DIDO1: variants seen among roughly 807,000 people sequenced by gnomAD.
DIDO1 encodes the protein death inducer-obliterator 1, also known as death-inducer obliterator 1.
In DIDO1, 16 loss-of-function variants were observed where a neutral mutation model predicts 99.4. The observed-to-expected ratio is 0.16, with a 90% CI of 0.11 to 0.24. The LOEUF (loss-of-function observed/expected upper bound fraction) is 0.24. Among genes scored for constraint, DIDO1 ranks in the 10% least tolerant of loss-of-function variants. The pLI is 1.00. For synonymous variants in DIDO1, 1,366 were observed against 1,239.1 expected (o/e 1.10, Z -2.15); for missense variants, 2,996 against 3,014.0 (o/e 0.99, Z 0.14).
chr20:62,909,826 G>A lies in DIDO1; in HGVS notation c.1034C>T (p.Ala345Val), dbSNP rs750135382. 1.2e-6 allele frequency: 2 copies of A among 1,614,080 alleles called. No individual in the cohort carries two copies. Among genetic ancestry groups the A allele is most frequent in the South Asian group, 2.2e-5 (2 of 91,088 alleles). The change falls in exon 4 of 16, where the codon GCT becomes GTT. Residue 345 changes from alanine (A) to valine (V), a missense_variant. Physicochemically the swap from Ala to Val is moderately conservative, Grantham distance 64. Coordinates refer to ENST00000395343, the MANE Select transcript of DIDO1 (RefSeq NM_001193369.2). The part of the protein sequence containing the change: ...QQEAKWRPGD[A>V]DGTDCTSIGT... ...TATACTTGTACAATCGGTGCCATCA[G>A]CATCTCCAGGTCTCCATTTAGCTTC...
chr20:62,916,376 C>T (rs923436808), intron 1 of DIDO1, among the ~76,000 whole-genome samples: 6 of 152,120 alleles, frequency 3.9e-5, no homozygotes, highest in Admixed American at 6.5e-5. Context: ...AGCTGATGAG[C>T]GGCGATTCAA....
Position 62,884,986 on chromosome 20 carries a change from C to T in DIDO1, c.3542-2572G>A, listed in dbSNP as rs1430521154. Among the ~76,000 whole-genome samples the T allele has an allele frequency of 9.8e-5, 15 of 152,336 alleles. No individual in the cohort carries two copies. The South Asian group carries it at 1.5e-3, about 15-fold the overall frequency. ...AACATGAGTTGAACATATTTTAAAA[C>T]GGTATTTCTCTCAGCACAACAGCTA... On this transcript the variant is annotated intron_variant, in intron 15 of 15. Coordinates refer to ENST00000395343, the MANE Select transcript of DIDO1 (RefSeq NM_001193369.2).
chr20:62,893,596 C>G lies in DIDO1; in HGVS notation c.3101+70G>C, dbSNP rs574277443. 3.4e-6 allele frequency: 5 copies of G among 1,472,824 alleles called. No homozygotes were observed. In the African/African-American group the frequency reaches 4.2e-5, roughly 12 times the overall value. 91.2% of individuals were successfully genotyped at this position (1,472,824 alleles called of 1,614,324 possible). Reference sequence around the variant, plus strand: ...ATTTCCAAGTTCAACTATTTAATCACCAGTTATCTTTCCTTTCGTTAATCT... The same window carrying G: ...ATTTCCAAGTTCAACTATTTAATCAGCAGTTATCTTTCCTTTCGTTAATCT... On this transcript the variant is annotated intron_variant, in intron 12 of 15. Coordinates refer to ENST00000395343, the MANE Select transcript of DIDO1 (RefSeq NM_001193369.2).
At chr20:62,924,396 T>G (rs867644641) in intron 1 of DIDO1, among the ~76,000 whole-genome samples, 1 of 152,190 alleles carries the variant, frequency 6.6e-6, no homozygotes, top group Non-Finnish European at 1.5e-5. Context: ...CTTGGTATTA[T>G]GGGACAGGCA....
upstream of DIDO1, among the ~76,000 whole-genome samples, chr20:62,929,695 G>GTGTATATATATATATATATATA (rs1491466464): frequency 1.0e-5 from 1 of 97,972 alleles, no homozygotes; most frequent in African/African-American, 4.6e-5. Flanking sequence ...AAGAAAAAGT[G>GTGTATATATATATATATATATA]TATATATATA....
chr20:62,928,445 T>C (rs1568893418), upstream of DIDO1, among the ~76,000 whole-genome samples: 1 of 152,284 alleles, frequency 6.6e-6, no homozygotes, highest in East Asian at 1.9e-4. Flanking sequence ...CTGGCTCGGC[T>C]GTGGAGGCCT....
chr20:62,937,076 C>T (rs940659956), intron 1 of DIDO1, among the ~76,000 whole-genome samples: 2 of 152,246 alleles, frequency 1.3e-5, no homozygotes, highest in African/African-American at 4.8e-5. Context: ...GCTGAGTAGA[C>T]CGACCGACAT....
upstream of DIDO1, among the ~76,000 whole-genome samples, chr20:62,929,694 T>TATATATATATATATATATATATATATA (rs1568894301): frequency 1.2e-5 from 1 of 81,736 alleles, no homozygotes; most frequent in Non-Finnish European, 2.2e-5. Context: ...AAAGAAAAAG[T>TATATATATATATATATATATATATATA]GTATATATAT....
At chr20:62,904,504 G>A (rs889320362) in intron 6 of DIDO1, among the ~76,000 whole-genome samples, 5 of 152,072 alleles carry the variant, frequency 3.3e-5, no homozygotes, top group African/African-American at 1.2e-4. Flanking sequence ...TTTTAGCCAA[G>A]CGCTGTGGCT....
chr20:62,924,245 G>T (rs556990386), intron 1 of DIDO1, among the ~76,000 whole-genome samples: 3 of 150,238 alleles, frequency 2.0e-5, no homozygotes, highest in Non-Finnish European at 2.9e-5. Context: ...ACTCTGTTTA[G>T]AGAGAATTTT....
In DIDO1 at chr20:62,935,824, T is replaced by C. The variant is rs538053650; in HGVS notation, c.-200+1972A>G. On this transcript the variant is annotated intron_variant, in intron 1 of 15. Transcript: ENST00000266070. ...ATGTGAGAGGTAGTGACAGGACTTC[T>C]GGAGCTCAACAGGAGTTACGGAGAC... 5.9e-5 allele frequency among the ~76,000 whole-genome samples: 9 copies of C among 152,354 alleles called. No homozygotes were observed. The South Asian group carries it at 1.9e-3, about 32-fold the overall frequency.
At chr20:62,907,458 A>C in intron 4 of DIDO1, 99 bp from the exon 5 acceptor site, 1 of 1,162,786 alleles carries the variant, frequency 8.6e-7, no homozygotes, top group Non-Finnish European at 1.2e-6. Context: ...CCAAGGCCAC[A>C]GTTTCAAAAT....
upstream of DIDO1, among the ~76,000 whole-genome samples, chr20:62,927,883 G>C (rs912532714): frequency 1.9e-3 from 284 of 152,324 alleles, no homozygotes; most frequent in Non-Finnish European, 2.8e-3. Context: ...TCCATCTTGA[G>C]TGTGATCTCA....
chr20:62,891,210 C>G, intron 14 of DIDO1, 55 bp from the exon 15 acceptor site: 1 of 1,607,538 alleles, frequency 6.2e-7, no homozygotes, highest in South Asian at 1.1e-5. Flanking sequence ...AAGCATCACA[C>G]GCCCAATTCA....
chr20:62,882,301 G>C lies in DIDO1; in HGVS notation c.3655C>G (p.Gln1219Glu). The change falls in exon 16 of 16, where the codon CAA becomes GAA. Residue 1219 changes from glutamine to glutamate, a missense_variant. Around this residue, in one of 5 missense-constraint regions of DIDO1, gnomAD observed 1,562 missense variants for 1,412.6 expected, o/e 1.11. Transcript: ENST00000395343. ...DKMDEKRTRL[Q>E]PEEADVPAYP... is the part of the protein sequence containing the mutation. ...GCCGGAACGTCCGCTTCTTCCGGTT[G>C]AAGTCGGGTCCGCTTTTCGTCCATC... 1 of 1,614,040 alleles carries C rather than the reference G, an allele frequency of 6.2e-7. No individual in the cohort carries two copies. The highest frequency in any genetic ancestry group is 8.5e-7 in the Non-Finnish European group (1 of 1,180,032).
Position 62,879,907 on chromosome 20 carries a change from G to C in DIDO1, c.6049C>G (p.Gln2017Glu), listed in dbSNP as rs1244279059. Reference sequence around the variant, plus strand: ...GGCCTGGGGCCCGGCTTCATCACCTGCGGGGCCTGGCCCTGGAAGTGAAAT... The same window carrying C: ...GGCCTGGGGCCCGGCTTCATCACCTCCGGGGCCTGGCCCTGGAAGTGAAAT... ...SRFHFQGQAP[Q>E]VMKPGPRPLL... The change falls in exon 16 of 16, where the codon CAG becomes GAG. Residue 2017 changes from glutamine to glutamate, a missense_variant. By Grantham distance (29) the Gln-to-Glu change is conservative. Coordinates refer to ENST00000395343, the MANE Select transcript of DIDO1 (RefSeq NM_001193369.2). This position sits in a 1 kb window ranked among gnomAD's most constrained non-coding sequence, Gnocchi z 6.3. The C allele has an allele frequency of 6.3e-7, 1 of 1,589,756 alleles. No individual in the cohort carries two copies. Among genetic ancestry groups the C allele is most frequent in the Non-Finnish European group, 8.5e-7 (1 of 1,170,310 alleles).
At position 62,892,914 on chromosome 20, in the gene DIDO1, C is replaced by A; in HGVS notation, c.3150G>T (p.Leu1050Phe). 1 of 1,613,582 alleles carries A rather than the reference C, an allele frequency of 6.2e-7. No homozygotes were observed. Among genetic ancestry groups the A allele is most frequent in the Non-Finnish European group, 8.5e-7 (1 of 1,179,838 alleles). Residue 1050 changes from leucine to phenylalanine, a missense_variant, in exon 13 of 16, where the codon TTG becomes TTT. Physicochemically the swap from Leu to Phe is conservative, Grantham distance 22. Coordinates refer to ENST00000395343, the MANE Select transcript of DIDO1 (RefSeq NM_001193369.2). ...CTTTCCAAATGGTGCTGAGTCGAGA[C>A]AAAAAGAGGGTCGTGTCTCCCTCTG... ...SPPEGDTTLFLSRLSTIWKGF... is the reference protein window; with the variant it reads ...SPPEGDTTLFFSRLSTIWKGF...
chr20:62,898,113 C>T (rs2064578700), intron 6 of DIDO1, among the ~76,000 whole-genome samples: 1 of 152,212 alleles, frequency 6.6e-6, no homozygotes, highest in African/African-American at 2.4e-5. Flanking sequence ...AAGAGCGCTT[C>T]AGTTCTACCC....
rs1401052803 is a variant in DIDO1 at position 62,881,076 on chromosome 20, G to T, written c.4880C>A (p.Ala1627Glu). Residue 1627 changes from alanine to glutamate, a missense_variant, in exon 16 of 16, where the codon GCG (alanine) becomes GAG (glutamate). Physicochemically the swap from Ala to Glu is moderately radical, Grantham distance 107 (BLOSUM62 -1). Transcript: ENST00000395343. The surrounding 1 kb of genome is among the most constrained non-coding windows in gnomAD (Gnocchi z 8.3). ...SPWASGEKPP[A>E]GSEQDGWKAE... is the part of the protein sequence containing the mutation. The stretch of plus-strand genomic sequence containing the variant: ...CTTCCAGCCGTCCTGCTCGGACCCC[G>T]CTGGGGGCTTTTCGCCCGAAGCCCA... The T allele has an allele frequency of 1.2e-6, 2 of 1,608,648 alleles. No individual in the cohort carries two copies. The highest frequency in any genetic ancestry group is 4.5e-5 in the East Asian group (2 of 44,830).
Sources: gnomAD v4.1 joint callset for allele counts (sites outside exome capture counted in the v4.1 genomes callset) on GRCh38, gnomAD v4.1.1 for gene constraint, gnomAD v4.1.1 regional missense constraint, Gnocchi (gnomAD v3.1) non-coding constraint, MANE v1.5 for transcripts, NCBI Gene and HGNC (gene_info 2026-07-23, HGNC 2026-07-21) for gene names.